ACTN4: variants seen among roughly 807,000 people sequenced by gnomAD.
The protein encoded by ACTN4 is alpha-actinin-4.
A neutral mutation model predicts 114.2 loss-of-function variants in ACTN4; 18 were observed. The observed-to-expected ratio is 0.16, with a 90% CI of 0.11 to 0.23. The LOEUF is 0.23. Ranked by LOEUF, ACTN4 falls within the 10% of genes least tolerant of loss-of-function variation. The pLI, the probability that ACTN4 is intolerant of heterozygous loss-of-function variation, is 1.00. For synonymous variants in ACTN4, 515 were observed against 506.3 expected, an observed-to-expected ratio of 1.02 and a Z score of -0.23; for missense variants, 722 against 1,262.9, an observed-to-expected ratio of 0.57 and a Z score of 6.49.
chr19:38,673,647 T>TCA lies in ACTN4; in HGVS notation c.162+25740_162+25741insCA, dbSNP rs1378742973. 1.8e-3 allele frequency among the ~76,000 whole-genome samples: 80 copies of TCA among 45,596 alleles called. 9 individuals are homozygous for TCA. The highest frequency in any genetic ancestry group is 2.6e-3 in the African/African-American group (34 of 13,268). The allele number at this position is 45,596 out of a possible 152,430, so 29.9% of individuals were successfully genotyped here. On this transcript the variant is annotated intron_variant, in intron 1 of 20. Transcript: ENST00000252699. ...TATATTCATATATATTTATATATATTTATATATTTATATATATTATATATA... is the reference window on the plus strand; with the variant it reads ...TATATTCATATATATTTATATATATTCATATATATTTATATATATTATATATA...
intron 7 of ACTN4, 64 bp from the exon 8 acceptor site, chr19:38,710,193 C>T (rs1215420261): frequency 1.3e-6 from 2 of 1,565,964 alleles, no homozygotes; most frequent in Non-Finnish European, 1.8e-6. Context: ...CCGTGGATCC[C>T]AGTGAGTGAC....
In ACTN4 at chr19:38,724,113, C is replaced by T. The variant is rs769284927; in HGVS notation, c.1692+36C>T. On this transcript the variant is annotated intron_variant, in intron 14 of 20. Transcript: ENST00000252699. This position sits in a 1 kb window ranked among gnomAD's most constrained non-coding sequence, Gnocchi z 7.0. ...CCCGGCCCCCCATCTTCCCAAGAGCCTCTGTGGGGCTGGGCCGCCCCCTCA... is the reference window on the plus strand; with the variant it reads ...CCCGGCCCCCCATCTTCCCAAGAGCTTCTGTGGGGCTGGGCCGCCCCCTCA... The T allele has an allele frequency of 1.2e-6, 2 of 1,613,692 alleles. No homozygotes were observed. Among genetic ancestry groups the T allele is most frequent in the Non-Finnish European group, 1.7e-6 (2 of 1,179,998 alleles).
chr19:38,676,028 G>C (rs1467953781), intron 1 of ACTN4, among the ~76,000 whole-genome samples: 3 of 152,194 alleles, frequency 2.0e-5, no homozygotes, highest in African/African-American at 7.2e-5. Context: ...TTACAAAATG[G>C]GGCCAATAAT....
At chr19:38,649,338 AAGG>A (rs1976488725) in intron 1 of ACTN4, among the ~76,000 whole-genome samples, 1 of 113,432 alleles carries the variant, frequency 8.8e-6, no homozygotes, top group Non-Finnish European at 1.7e-5. Context: ...GAGCTAAAGA[AAGG>A]AGCGTGGTGA....
At position 38,673,535 on chromosome 19, in the gene ACTN4, A is replaced by ATTTATATATATTTATATATATT. The variant is rs1568689736; in HGVS notation, c.162+25628_162+25629insTTTATATATATTTATATATATT. On this transcript the variant is annotated intron_variant, in intron 1 of 20. Transcript: ENST00000252699. ...TATATATTTATATATATTCATATATACTTATATATATTTATATATACTTAT... is the reference window on the plus strand; with the variant it reads ...TATATATTTATATATATTCATATATATTTATATATATTTATATATATTCTTATATATATTTATATATACTTAT... Among the ~76,000 whole-genome samples the ATTTATATATATTTATATATATT allele has an allele frequency of 7.7e-5, 4 of 52,140 alleles. 1 individual carries two copies. Among genetic ancestry groups the ATTTATATATATTTATATATATT allele is most frequent in the African/African-American group, 1.9e-4 (4 of 20,544 alleles). The allele number at this position is 52,140 out of a possible 152,430, so 34.2% of individuals were successfully genotyped here.
At chr19:38,728,244 G>A (rs1158416270) in intron 19 of ACTN4, 3 of 1,488,048 alleles carry the variant, frequency 2.0e-6, no homozygotes, top group Non-Finnish European at 2.7e-6. Context: ...TCTGCCTGCT[G>A]TGCACATGGG....
chr19:38,700,553 G>A (rs576615225), intron 1 of ACTN4, 47 bp from the exon 2 acceptor site: 58 of 1,538,360 alleles, frequency 3.8e-5, no homozygotes, highest in Admixed American at 5.0e-5. Flanking sequence ...AGAGAGCCCC[G>A]ACAGCCAGGC....
intron 19 of ACTN4, chr19:38,728,449 C>T: frequency 9.6e-7 from 1 of 1,043,066 alleles, no homozygotes; most frequent in Non-Finnish European, 1.3e-6. Context: ...TCCTCCTCCT[C>T]CCCCCCACCT....
At chr19:38,712,407 G>A (rs148693097) in intron 8 of ACTN4, among the ~76,000 whole-genome samples, 3 of 152,264 alleles carry the variant, frequency 2.0e-5, no homozygotes, top group East Asian at 1.9e-4. Context: ...AATGGGCATC[G>A]CTGTAGTTCG....
At chr19:38,692,308 G>A (rs1278000342) in intron 1 of ACTN4, among the ~76,000 whole-genome samples, 1 of 152,268 alleles carries the variant, frequency 6.6e-6, no homozygotes, top group Non-Finnish European at 1.5e-5. Context: ...AACTGCCGCA[G>A]TGCTAGCCCT....
Position 38,724,346 on chromosome 19 carries a change from C to CG in ACTN4, c.1875+11dup. The CG allele has an allele frequency of 6.2e-7, 1 of 1,613,150 alleles. No homozygotes were observed. On this transcript the variant is annotated splice_region_variant and intron_variant, in intron 15 of 20. Coordinates refer to ENST00000252699, the MANE Select transcript of ACTN4 (RefSeq NM_004924.6). This position sits in a 1 kb window ranked among gnomAD's most constrained non-coding sequence, Gnocchi z 7.0. ...CAACTCCAAGTGGGAGAAGGTGGGC[C>CG]GGGGCCATCCGTAGGGGCTGGGGCA...
chr19:38,690,810 AG>A (rs1290534346), intron 1 of ACTN4, among the ~76,000 whole-genome samples: 2 of 152,230 alleles, frequency 1.3e-5, no homozygotes, highest in Non-Finnish European at 2.9e-5. Context: ...TTTATGTAAA[AG>A]GGTGAATTTT....
At chr19:38,725,970 G>C in intron 17 of ACTN4, 67 bp downstream of exon 17, 1 of 1,579,138 alleles carries the variant, frequency 6.3e-7, no homozygotes, top group East Asian at 2.2e-5. Context: ...GAAATGGTTC[G>C]GGCCAGTGAG....
rs745571977 is a variant in ACTN4, at chr19:38,714,474, A to G, written c.825A>G (p.Glu275=). Residue 275 remains glutamate, a synonymous_variant, in exon 9 of 21, where the codon GAA becomes GAG. Transcript: ENST00000252699. ...YHAFSGAQKA[E]TAANRICKVL... Reference sequence around the variant, plus strand: ...GACTGTGTGCTCCCCTCCAGGCTGAAACTGCCGCCAACCGGATCTGTAAGG... The same window carrying G: ...GACTGTGTGCTCCCCTCCAGGCTGAGACTGCCGCCAACCGGATCTGTAAGG... 1.2e-6 allele frequency: 2 copies of G among 1,613,498 alleles called. No homozygotes were observed. Among genetic ancestry groups the G allele is most frequent in the Non-Finnish European group, 1.7e-6 (2 of 1,179,998 alleles).
intron 6 of ACTN4, among the ~76,000 whole-genome samples, chr19:38,709,046 G>A (rs1283576660): frequency 6.6e-6 from 1 of 152,182 alleles, no homozygotes; most frequent in Admixed American, 6.5e-5. Flanking sequence ...GCTCTCTCAG[G>A]CCTGGCCCAC....
chr19:38,696,762 G>C (rs1382700087), intron 1 of ACTN4, among the ~76,000 whole-genome samples: 1 of 152,128 alleles, frequency 6.6e-6, no homozygotes, highest in African/African-American at 2.4e-5. Context: ...GTGCATCAGT[G>C]GGGTTCCCCA....
intron 3 of ACTN4, among the ~76,000 whole-genome samples, chr19:38,701,669 G>T (rs565446445): frequency 6.6e-6 from 1 of 152,308 alleles, no homozygotes; most frequent in East Asian, 1.9e-4. Flanking sequence ...TGGGCCCCAC[G>T]TAGATAACCA....
chr19:38,731,521 C>T lies in ACTN4; in HGVS notation c.*2089C>T. 2 of 461,086 alleles carry T rather than the reference C, an allele frequency of 4.3e-6. No homozygotes were observed. The highest frequency in any genetic ancestry group is 4.9e-5 in the South Asian group (2 of 40,430). The allele number at this position is 461,086 out of a possible 1,614,324, so 28.6% of individuals were successfully genotyped here. ...CTGTTACTCCTTAAATCCTGTGGGGCTTTCTCCTTGCCAGTGGGCACTGGA... is the reference window on the plus strand; with the variant it reads ...CTGTTACTCCTTAAATCCTGTGGGGTTTTCTCCTTGCCAGTGGGCACTGGA... On this transcript the variant is annotated 3_prime_UTR_variant, in exon 21 of 21. Transcript: ENST00000252699.
At position 38,718,063 on chromosome 19, in the gene ACTN4, C is replaced by T. The variant is rs1466886597; in HGVS notation, c.1280C>T (p.Ala427Val). 1 of 1,608,910 alleles carries T rather than the reference C, an allele frequency of 6.2e-7. No individual in the cohort carries two copies. The highest frequency in any genetic ancestry group is 8.5e-7 in the Non-Finnish European group (1 of 1,177,794). The change falls in exon 11 of 21, where the codon GCC becomes GTC. Residue 427 changes from alanine (A) to valine (V), a missense_variant. Coordinates refer to ENST00000252699, the MANE Select transcript of ACTN4 (RefSeq NM_004924.6). ...CGGCAGAAGGCCTCCATCCACGAGG[C>T]CTGGACTGACGGTACGGCCCAGCTC... The part of the protein sequence containing the change: ...KFRQKASIHE[A>V]WTDGKEAMLK...
Sources: allele counts gnomAD v4.1 joint callset (sites outside exome capture counted in the v4.1 genomes callset), GRCh38; gene constraint gnomAD v4.1.1; non-coding constraint Gnocchi (gnomAD v3.1); transcripts MANE v1.5; gene names NCBI Gene and HGNC (gene_info 2026-07-23, HGNC 2026-07-21).